The following NLRP9 variants were observed in gnomAD, a reference collection of about 807,000 sequenced individuals.
NLRP9 encodes the protein NLR family pyrin domain containing 9, also known as NACHT, LRR and PYD domains-containing protein 9.
In NLRP9, 88 loss-of-function variants were observed where a neutral mutation model predicts 83.1. The ratio of observed to expected loss-of-function variants is 1.06; its 90% CI spans 0.89 to 1.26. The LOEUF (loss-of-function observed/expected upper bound fraction) is 1.26, where lower values mean the gene tolerates loss of function less well. Among genes scored for constraint, NLRP9 ranks in the 50% most tolerant of loss-of-function variants. The pLI is 0.00. For synonymous variants in NLRP9, 521 were observed against 447.6 expected (o/e 1.16, Z -2.07); for missense variants, 1,308 against 1,179.3 (o/e 1.11, Z -1.60).
Position 55,733,117 on chromosome 19 carries a change from T to A in NLRP9, c.714A>T (p.Gln238His). The part of the protein sequence containing the change: ...DGFEQLKFNL[Q>H]LKADLSDDWR... ...AATCATCGCTCAAGTCAGCCTTAAGTTGTAAGTTAAACTTCAGTTGCTCAA... is the reference window on the plus strand; with the variant it reads ...AATCATCGCTCAAGTCAGCCTTAAGATGTAAGTTAAACTTCAGTTGCTCAA... The change falls in exon 2 of 9, where the codon CAA becomes CAT. Residue 238 changes from glutamine to histidine, a missense_variant. Coordinates refer to ENST00000332836, the MANE Select transcript of NLRP9 (RefSeq NM_176820.4). 6.2e-7 allele frequency: 1 copy of A among 1,614,184 alleles called. No individual in the cohort carries two copies.
chr19:55,712,699 GA>G, intron 6 of NLRP9, 109 bp from the exon 7 acceptor site: 1 of 750,724 alleles, frequency 1.3e-6, no homozygotes, highest in Non-Finnish European at 2.0e-6. Context: ...GTAAATCTGA[GA>G]TGATGAGGAG....
chr19:55,733,305 T>C lies in NLRP9; in HGVS notation c.526A>G (p.Lys176Glu), dbSNP rs746934883. 5 of 1,614,058 alleles carry C rather than the reference T, an allele frequency of 3.1e-6. No homozygotes were observed. In the Admixed American group the frequency reaches 5.0e-5, roughly 16 times the overall value. Residue 176 changes from lysine (K) to glutamate (E), a missense_variant, in exon 2 of 9, where the codon AAG (lysine) becomes GAG (glutamate). By Grantham distance (56) the Lys-to-Glu change is moderately conservative. Coordinates refer to ENST00000332836, the MANE Select transcript of NLRP9 (RefSeq NM_176820.4). The part of the protein sequence containing the change: ...MLDWAEGNLW[K>E]DRFTFVFFLN... Reference sequence around the variant, plus strand: ...AAAAACACAAATGTGAACCTGTCCTTCCATAAGTTTCCCTCTGCCCAGTCC... The same window carrying C: ...AAAAACACAAATGTGAACCTGTCCTCCCATAAGTTTCCCTCTGCCCAGTCC...
At chr19:55,731,836 A>C (rs893039917) in intron 2 of NLRP9, among the ~76,000 whole-genome samples, 163 bp downstream of exon 2, 4 of 152,146 alleles carry the variant, frequency 2.6e-5, no homozygotes, top group African/African-American at 9.7e-5. Flanking sequence ...AAGAAGTTGC[A>C]GCTCATGATC....
chr19:55,730,600 C>T (rs1440869111), intron 2 of NLRP9, among the ~76,000 whole-genome samples: 3 of 152,146 alleles, frequency 2.0e-5, no homozygotes, highest in South Asian at 2.1e-4. Context: ...AGATAATGTC[C>T]TTTGCAAGGA....
intron 8 of NLRP9, chr19:55,711,338 A>T: frequency 9.3e-7 from 1 of 1,070,132 alleles, no homozygotes; most frequent in Non-Finnish European, 1.1e-6. Flanking sequence ...AAATAGGTAC[A>T]ACTCTAAAGG....
chr19:55,718,891 A>G (rs1293090285), intron 4 of NLRP9, among the ~76,000 whole-genome samples: 1 of 152,250 alleles, frequency 6.6e-6, no homozygotes, highest in Non-Finnish European at 1.5e-5. Context: ...CTTCACACTC[A>G]GGACCCTTCC....
At chr19:55,711,606 G>T in intron 8 of NLRP9, 194 bp downstream of exon 8, 1 of 875,230 alleles carries the variant, frequency 1.1e-6, no homozygotes, top group Non-Finnish European at 1.8e-6. Flanking sequence ...TCATGAGAAA[G>T]GCCGAGAATG....
intron 7 of NLRP9, among the ~76,000 whole-genome samples, 154 bp downstream of exon 7, chr19:55,712,266 G>A (rs1222779456): frequency 6.6e-6 from 1 of 152,288 alleles, no homozygotes. Flanking sequence ...AGAGTACCAA[G>A]ACTGAGCAAA....
At chr19:55,712,704 TGA>T in intron 6 of NLRP9, 114 bp from the exon 7 acceptor site, 1 of 822,342 alleles carries the variant, frequency 1.2e-6, no homozygotes, top group Non-Finnish European at 1.8e-6. Flanking sequence ...TCTGAGATGA[TGA>T]GGAGGGTGGG....
intron 1 of NLRP9, chr19:55,737,160 G>C (rs573838900): frequency 1.3e-5 from 2 of 152,220 alleles, no homozygotes; most frequent in South Asian, 2.1e-4. Flanking sequence ...TTCGGAGTCA[G>C]ATCTGTCACT....
chr19:55,718,198 G>C (rs573558567), intron 4 of NLRP9, among the ~76,000 whole-genome samples: 6 of 152,300 alleles, frequency 3.9e-5, no homozygotes, highest in East Asian at 1.9e-4. Context: ...GAAAGCCGCA[G>C]GGACCTCTGC....
At position 55,708,910 on chromosome 19, in the gene NLRP9, C is replaced by T. The variant is rs777195119; in HGVS notation, c.*2G>A. On this transcript the variant is annotated 3_prime_UTR_variant, in exon 9 of 9. Coordinates refer to ENST00000332836, the MANE Select transcript of NLRP9 (RefSeq NM_176820.4). ...GAGACGACTACTTCAGGGTGTTCCC[C>T]ATCAGAGGAGCACACCCCTGATCTT... The T allele has an allele frequency of 6.5e-6, 10 of 1,539,514 alleles. No individual in the cohort carries two copies. Among genetic ancestry groups the T allele is most frequent in the Non-Finnish European group, 7.8e-6 (9 of 1,152,484 alleles).
At chr19:55,733,918 A>ATTT (rs1423854158) in intron 1 of NLRP9, among the ~76,000 whole-genome samples, 4 of 118,122 alleles carry the variant, frequency 3.4e-5, no homozygotes, top group South Asian at 4.9e-4. Context: ...TTGTCAACCA[A>ATTT]ATTTTTTTTT....
intron 6 of NLRP9, among the ~76,000 whole-genome samples, chr19:55,714,658 G>A (rs1987937157): frequency 6.6e-6 from 1 of 152,032 alleles, no homozygotes; most frequent in Non-Finnish European, 1.5e-5. Flanking sequence ...AAATGCCATA[G>A]ACTGAAACGG....
rs1387140951 is a variant in NLRP9, at chr19:55,732,562, A to C, written c.1269T>G (p.Ser423=). Residue 423 remains serine (S), a synonymous_variant, in exon 2 of 9, where the codon TCT becomes TCG. Coordinates refer to ENST00000332836, the MANE Select transcript of NLRP9 (RefSeq NM_176820.4). ...GDLRRNGLSE[S]EGVMWVGMRL... ...TCATACCCACCCACATCACGCCCTCAGACTCAGATAACCCATTCCTCCGGA... is the reference window on the plus strand; with the variant it reads ...TCATACCCACCCACATCACGCCCTCCGACTCAGATAACCCATTCCTCCGGA... 2 of 1,614,220 alleles carry C rather than the reference A, an allele frequency of 1.2e-6. No homozygotes were observed. The highest frequency in any genetic ancestry group is 3.3e-5 in the Admixed American group (2 of 60,020).
chr19:55,729,702 A>G lies in NLRP9; in HGVS notation c.1994+129T>C, dbSNP rs1211615761. 4 of 701,664 alleles carry G rather than the reference A, an allele frequency of 5.7e-6. No homozygotes were observed. The African/African-American group carries it at 7.1e-5, about 12-fold the overall frequency. The allele number at this position is 701,664 out of a possible 1,614,324, so 43.5% of individuals were successfully genotyped here. On this transcript the variant is annotated intron_variant, in intron 3 of 8. Transcript: ENST00000332836. ...ATAGTGCCGCAATAAACATACATGT[A>G]CATGTCACTACATTTAACACACTGG...
At chr19:55,711,255 AAAT>A (rs1463056796) in intron 8 of NLRP9, 3 of 537,210 alleles carry the variant, frequency 5.6e-6, no homozygotes, top group Non-Finnish European at 7.1e-6. Context: ...AAAAATAAAA[AAAT>A]AACTTTTAAA....
At chr19:55,713,866 C>T (rs551658662) in intron 6 of NLRP9, among the ~76,000 whole-genome samples, 57 of 92,528 alleles carry the variant, frequency 6.2e-4, no homozygotes, top group Non-Finnish European at 9.1e-4. Context: ...CCCTCTCCTC[C>T]CCCATCCTCC....
rs1404106254 is a variant in NLRP9 at position 55,736,616 on chromosome 19, C to T, written c.280+1479G>A. Reference sequence around the variant, plus strand: ...TGGGAAGCCCAGGCAGGAGGATCATCTGAGGTCAGGAGTTTGAGACCAGCC... The same window carrying T: ...TGGGAAGCCCAGGCAGGAGGATCATTTGAGGTCAGGAGTTTGAGACCAGCC... On this transcript the variant is annotated intron_variant, in intron 1 of 8. Coordinates refer to ENST00000332836, the MANE Select transcript of NLRP9 (RefSeq NM_176820.4). Among the ~76,000 whole-genome samples the T allele has an allele frequency of 2.6e-5, 4 of 151,768 alleles. No individual in the cohort carries two copies. The East Asian group carries it at 7.8e-4, about 30-fold the overall frequency.
Sources: allele counts gnomAD v4.1 joint callset (sites outside exome capture counted in the v4.1 genomes callset), GRCh38; gene constraint gnomAD v4.1.1; transcripts MANE v1.5; gene names NCBI Gene and HGNC (gene_info 2026-07-23, HGNC 2026-07-21).